The following GNG2 variants were observed in gnomAD, a reference collection of about 807,000 sequenced individuals.
GNG2 encodes G protein subunit gamma 2, also known as guanine nucleotide-binding protein G(I)/G(S)/G(O) subunit gamma-2.
Under a neutral mutation model 5.5 loss-of-function variants are expected in GNG2, and 5 were observed. The observed-to-expected ratio is 0.91, with a 90% CI of 0.48 to 1.92. GNG2 has a LOEUF of 1.92. Ranked by LOEUF, GNG2 falls within the 30% of genes most tolerant of loss-of-function variation. GNG2 has a pLI of 0.01. For synonymous variants in GNG2, 28 were observed against 32.0 expected (o/e 0.88, Z 0.42); for missense variants, 55 against 88.4 (o/e 0.62, Z 1.52).
At chr14:51,836,753 C>T (rs991706686) in intron 2 of GNG2, among the ~76,000 whole-genome samples, 1 of 151,700 alleles carries the variant, frequency 6.6e-6, no homozygotes, top group African/African-American at 2.4e-5. Flanking sequence ...ATTCTCTATT[C>T]CTGCTCATTA....
At chr14:51,832,946 T>C (rs1200593729) in intron 2 of GNG2, among the ~76,000 whole-genome samples, 10 of 152,192 alleles carry the variant, frequency 6.6e-5, no homozygotes, top group Admixed American at 5.2e-4. Context: ...TGAATTCAGA[T>C]GACTCTTAGG....
chr14:51,900,688 C>T (rs536522297), intron 2 of GNG2, among the ~76,000 whole-genome samples: 6 of 151,854 alleles, frequency 4.0e-5, no homozygotes, highest in South Asian at 2.1e-4. Context: ...TTTCCATGTT[C>T]TCTGCAAGAG....
chr14:51,863,533 A>C (rs1372077338), intron 1 of GNG2, among the ~76,000 whole-genome samples: 1 of 152,218 alleles, frequency 6.6e-6, no homozygotes, highest in East Asian at 1.9e-4. Flanking sequence ...TAAAATATAC[A>C]TAACATAACA....
intron 3 of GNG2, among the ~76,000 whole-genome samples, chr14:51,953,287 G>A (rs766841303): frequency 6.6e-6 from 1 of 152,130 alleles, no homozygotes; most frequent in Non-Finnish European, 1.5e-5. Flanking sequence ...GGGCTTGTTA[G>A]GTTCTAAAGA....
intron 2 of GNG2, among the ~76,000 whole-genome samples, chr14:51,882,451 A>C (rs1350354544): frequency 1.3e-5 from 2 of 152,216 alleles, no homozygotes; most frequent in Non-Finnish European, 2.9e-5. Context: ...TACTGGGAAC[A>C]GATATTTGGA....
chr14:51,862,321 T>A (rs184589147), intron 1 of GNG2, among the ~76,000 whole-genome samples: 119 of 152,342 alleles, frequency 7.8e-4, no homozygotes, highest in South Asian at 1.9e-3. Flanking sequence ...CTGAATTTAA[T>A]CAAACTTGTG....
chr14:51,924,900 C>A (rs1206927476), intron 2 of GNG2, among the ~76,000 whole-genome samples: 1 of 152,212 alleles, frequency 6.6e-6, no homozygotes, highest in Admixed American at 6.5e-5. Flanking sequence ...GTTAAGCTTG[C>A]GCTGTGTACA....
intron 2 of GNG2, among the ~76,000 whole-genome samples, chr14:51,938,552 T>C (rs1888140777): frequency 6.6e-6 from 1 of 152,206 alleles, no homozygotes; most frequent in South Asian, 2.1e-4. Context: ...ATGAAATCAT[T>C]TTCTCACTGT....
At chr14:51,837,907 G>A (rs1275546874) in intron 2 of GNG2, among the ~76,000 whole-genome samples, 10 of 152,058 alleles carry the variant, frequency 6.6e-5, no homozygotes, top group Non-Finnish European at 1.2e-4. Flanking sequence ...GCTCTTTGAC[G>A]AGAATTATTT....
upstream of GNG2, among the ~76,000 whole-genome samples, chr14:51,856,670 A>G (rs1010371783): frequency 6.6e-6 from 1 of 152,226 alleles, no homozygotes; most frequent in African/African-American, 2.4e-5. Context: ...TGACCTAGTG[A>G]TCTGCCTGCC....
At chr14:51,858,278 T>A (rs1882254899), upstream of GNG2, among the ~76,000 whole-genome samples, 1 of 152,190 alleles carries the variant, frequency 6.6e-6, no homozygotes, top group Non-Finnish European at 1.5e-5. Flanking sequence ...TAGGACCAGT[T>A]GAAAAGCAAT....
chr14:51,830,444 T>C (rs565738623), intron 2 of GNG2, among the ~76,000 whole-genome samples: 1 of 152,322 alleles, frequency 6.6e-6, no homozygotes, highest in East Asian at 1.9e-4. Context: ...CAATTGCCTA[T>C]TGGACATCTC....
At chr14:51,833,978 A>C (rs1017470851) in intron 2 of GNG2, among the ~76,000 whole-genome samples, 2 of 26,512 alleles carry the variant, frequency 7.5e-5, no homozygotes, top group Non-Finnish European at 6.8e-4. Flanking sequence ...ATAGCATCAG[A>C]CTGCCTTGAG....
exon 2 of GNG2, chr14:51,827,673 C>T (rs1028918300): frequency 4.3e-6 from 3 of 701,614 alleles, no homozygotes; most frequent in South Asian, 3.0e-5. Flanking sequence ...CCCAGAATTA[C>T]ACGCAGTGGA....
At chr14:51,881,856 C>A (rs1219403512) in intron 2 of GNG2, among the ~76,000 whole-genome samples, 1 of 151,654 alleles carries the variant, frequency 6.6e-6, no homozygotes, top group East Asian at 1.9e-4. Context: ...ATCTGGCTTT[C>A]TGACAAGGAT....
intron 3 of GNG2, among the ~76,000 whole-genome samples, chr14:51,961,196 A>C (rs992270462): frequency 6.6e-6 from 1 of 152,196 alleles, no homozygotes; most frequent in African/African-American, 2.4e-5. Context: ...CCAGTTTTTA[A>C]TTTAAGGCAG....
At chr14:51,911,540 G>A (rs1886293488) in intron 2 of GNG2, among the ~76,000 whole-genome samples, 1 of 149,214 alleles carries the variant, frequency 6.7e-6, no homozygotes, top group African/African-American at 2.5e-5. Flanking sequence ...TGAGAATAAT[G>A]ATAGCTTTTT....
At position 51,832,022 on chromosome 14, in the gene GNG2, G is replaced by T. The variant is rs58131161; in HGVS notation, c.64+4215G>T. Reference sequence around the variant, plus strand: ...GAGGCTGGGCTGGCAGCTTATACCTGTAATCCAAGCACTTTAAGAGGCCAA... The same window carrying T: ...GAGGCTGGGCTGGCAGCTTATACCTTTAATCCAAGCACTTTAAGAGGCCAA... On this transcript the variant is annotated intron_variant, in intron 2 of 3. Transcript: ENST00000553432. Among the ~76,000 whole-genome samples the T allele has an allele frequency of 6.7e-3, 1,014 of 152,262 alleles. 59 individuals carry two copies. The East Asian group carries it at 0.14, about 21-fold the overall frequency.
At chr14:51,933,771 A>G (rs1267270892) in intron 2 of GNG2, among the ~76,000 whole-genome samples, 1 of 152,228 alleles carries the variant, frequency 6.6e-6, no homozygotes, top group African/African-American at 2.4e-5. Context: ...TAAGTTGGTC[A>G]TGGGAGAATA....
Sources: allele counts gnomAD v4.1 joint callset (sites outside exome capture counted in the v4.1 genomes callset), GRCh38; gene constraint gnomAD v4.1.1; transcripts MANE v1.5; gene names NCBI Gene and HGNC (gene_info 2026-07-23, HGNC 2026-07-21).